Variants in PRKAR1B observed in about 807,000 individuals in gnomAD.
PRKAR1B encodes the protein cAMP-dependent protein kinase type I-beta regulatory subunit.
Under a neutral mutation model 46.5 loss-of-function variants are expected in PRKAR1B, and 22 were observed. That is an observed-to-expected ratio of 0.47 (90% CI 0.34 to 0.68). PRKAR1B has a LOEUF of 0.68. Ranked by LOEUF, PRKAR1B falls within the 30% of genes least tolerant of loss-of-function variation. PRKAR1B has a pLI of 0.01. For synonymous variants in PRKAR1B, 259 were observed against 217.7 expected, an observed-to-expected ratio of 1.19 and a Z score of -1.67; for missense variants, 445 against 535.6, an observed-to-expected ratio of 0.83 and a Z score of 1.67.
At chr7:703,589 G>A (rs558328886) in intron 2 of PRKAR1B, among the ~76,000 whole-genome samples, 18 of 151,518 alleles carry the variant, frequency 1.2e-4, no homozygotes, top group African/African-American at 4.4e-4. Context: ...CCGGGAGGTG[G>A]AGCTTGGAGT....
chr7:551,061 C>T (rs886977513), intron 10 of PRKAR1B, among the ~76,000 whole-genome samples: 1 of 152,074 alleles, frequency 6.6e-6, no homozygotes, highest in Non-Finnish European at 1.5e-5. Context: ...CTCAAGCCCA[C>T]CCACCCCCAG....
chr7:563,699 G>A (rs1055202319), intron 9 of PRKAR1B, among the ~76,000 whole-genome samples: 11 of 151,984 alleles, frequency 7.2e-5, no homozygotes, highest in African/African-American at 2.4e-4. Flanking sequence ...ATGTCTGTGC[G>A]GTGTGTGCAT....
At chr7:618,788 C>T (rs1283327035) in intron 4 of PRKAR1B, among the ~76,000 whole-genome samples, 1 of 152,172 alleles carries the variant, frequency 6.6e-6, no homozygotes, top group African/African-American at 2.4e-5. Context: ...TGCAGAAATT[C>T]CTTGTGTGTT....
chr7:680,434 A>T, intron 3 of PRKAR1B, 122 bp downstream of exon 3: 2 of 1,031,152 alleles, frequency 1.9e-6, no homozygotes, highest in Non-Finnish European at 2.7e-6. Context: ...TCCTCCCTCC[A>T]ACCAGGATGA....
At chr7:610,594 C>T (rs1444102015) in intron 4 of PRKAR1B, among the ~76,000 whole-genome samples, 1 of 152,192 alleles carries the variant, frequency 6.6e-6, no homozygotes, top group East Asian at 1.9e-4. Flanking sequence ...TCATCGCCGA[C>T]AAAGGCCTGA....
intron 9 of PRKAR1B, among the ~76,000 whole-genome samples, chr7:574,692 C>T (rs931578322): frequency 5.3e-5 from 8 of 152,354 alleles, no homozygotes; most frequent in African/African-American, 1.7e-4. Context: ...GATCCATCTG[C>T]CTCAGCCTCC....
intron 2 of PRKAR1B, among the ~76,000 whole-genome samples, chr7:685,263 T>C (rs1414078589): frequency 6.8e-5 from 2 of 29,446 alleles, no homozygotes; most frequent in African/African-American, 1.6e-4. Flanking sequence ...TATATATACA[T>C]ATATACGTAT....
intron 4 of PRKAR1B, among the ~76,000 whole-genome samples, chr7:617,340 T>C (rs1021861874): frequency 6.8e-6 from 1 of 146,442 alleles, no homozygotes; most frequent in Admixed American, 6.9e-5. Flanking sequence ...AGTCTCACTC[T>C]GCCACCCAGG....
intron 4 of PRKAR1B, among the ~76,000 whole-genome samples, chr7:655,817 T>C (rs910723327): frequency 6.6e-6 from 1 of 152,162 alleles, no homozygotes; most frequent in Non-Finnish European, 1.5e-5. Flanking sequence ...GATGAGAGCA[T>C]GCCCCAAGTG....
At chr7:599,057 G>A (rs1359660957) in intron 6 of PRKAR1B, among the ~76,000 whole-genome samples, 2 of 152,222 alleles carry the variant, frequency 1.3e-5, no homozygotes, top group East Asian at 1.9e-4. Context: ...GGACCAGGAC[G>A]CGCTGCCCAT....
At chr7:609,123 G>A (rs1464545420) in intron 4 of PRKAR1B, among the ~76,000 whole-genome samples, 1 of 152,102 alleles carries the variant, frequency 6.6e-6, no homozygotes, top group Non-Finnish European at 1.5e-5. Context: ...GTGGGGCTTG[G>A]CCATGCTGCC....
At position 613,435 on chromosome 7, in the gene PRKAR1B, A is replaced by T. The variant is rs1280307996; in HGVS notation, c.441-5983T>A. 2.6e-5 allele frequency among the ~76,000 whole-genome samples: 4 copies of T among 152,254 alleles called. No homozygotes were observed. The East Asian group carries it at 7.7e-4, about 29-fold the overall frequency. ...GGCAAAATGTAGACTTTAAAACACA[A>T]AAATGTGCTTTTCTGAGTGTGGCAC... On this transcript the variant is annotated intron_variant, in intron 4 of 10. Transcript: ENST00000537384.
At chr7:600,986 G>A (rs1295541263) in intron 6 of PRKAR1B, among the ~76,000 whole-genome samples, 3 of 152,232 alleles carry the variant, frequency 2.0e-5, no homozygotes, top group Admixed American at 6.5e-5. Context: ...ACTGAACCTG[G>A]TGCTCTTGGC....
At chr7:673,066 A>C (rs1271259452) in intron 4 of PRKAR1B, among the ~76,000 whole-genome samples, 1 of 141,132 alleles carries the variant, frequency 7.1e-6, no homozygotes, top group African/African-American at 2.7e-5. Flanking sequence ...AAAAAAAAAA[A>C]AAAAAAAAAA....
Position 560,389 on chromosome 7 carries a change from T to TAATAATAAA in PRKAR1B, c.892-8920_892-8919insTTTATTATT, listed in dbSNP as rs917607162. Among the ~76,000 whole-genome samples the TAATAATAAA allele has an allele frequency of 3.6e-4, 52 of 146,220 alleles. No homozygotes were observed. Among genetic ancestry groups the TAATAATAAA allele is most frequent in the African/African-American group, 1.3e-3 (49 of 38,972 alleles). On this transcript the variant is annotated intron_variant, in intron 9 of 10. Transcript: ENST00000537384. The surrounding 1 kb of genome is among the most constrained non-coding windows in gnomAD (Gnocchi z 4.2). ...ATAATAATAATAATAATAATAATAA[T>TAATAATAAA]AAATATATTTTAAAAGAAACTTTGT... is the stretch of plus-strand genomic sequence containing the variant.
At chr7:568,658 G>C (rs574435286) in intron 9 of PRKAR1B, among the ~76,000 whole-genome samples, 1 of 152,236 alleles carries the variant, frequency 6.6e-6, no homozygotes, top group Non-Finnish European at 1.5e-5. Context: ...CCCCTGCTGC[G>C]GGGGGTGGAC....
intron 4 of PRKAR1B, among the ~76,000 whole-genome samples, chr7:642,732 CAAA>C (rs1248939007): frequency 9.4e-5 from 7 of 74,182 alleles, no homozygotes; most frequent in East Asian, 4.0e-4. Flanking sequence ...GACTCCGTCT[CAAA>C]AAAAAAAAAA....
At chr7:636,303 CG>C (rs1784072760) in intron 4 of PRKAR1B, among the ~76,000 whole-genome samples, 1 of 8,756 alleles carries the variant, frequency 1.1e-4, no homozygotes, top group Non-Finnish European at 2.3e-4. Context: ...CGCGCCCTCA[CG>C]TCCTCCACCG....
intron 9 of PRKAR1B, among the ~76,000 whole-genome samples, chr7:569,783 A>C (rs1779393813): frequency 6.6e-6 from 1 of 152,138 alleles, no homozygotes; most frequent in African/African-American, 2.4e-5. Flanking sequence ...AGTCCCTCTA[A>C]GCACCGAGGA....
Sources: allele counts gnomAD v4.1 joint callset (sites outside exome capture counted in the v4.1 genomes callset), GRCh38; gene constraint gnomAD v4.1.1; non-coding constraint Gnocchi (gnomAD v3.1); transcripts MANE v1.5; gene names NCBI Gene and HGNC (gene_info 2026-07-23, HGNC 2026-07-21).